Variants in RASAL2 observed in about 807,000 individuals in gnomAD.
RASAL2 encodes the protein ras GTPase-activating protein nGAP.
A neutral mutation model predicts 128.9 loss-of-function variants in RASAL2; 58 were observed. That is an observed-to-expected ratio of 0.45 (90% CI 0.36 to 0.56). RASAL2 has a LOEUF of 0.56. RASAL2 is among the 20% of genes least tolerant of loss of function. RASAL2 has a pLI of 0.00. For missense variants in RASAL2, 1,360 were observed against 1,601.6 expected (o/e 0.85, Z 2.57); for synonymous variants, 561 against 580.8 (o/e 0.97, Z 0.49).
chr1:178,172,233 A>G (rs1481004956), intron 1 of RASAL2, among the ~76,000 whole-genome samples: 3 of 152,002 alleles, frequency 2.0e-5, no homozygotes, highest in Admixed American at 6.6e-5. Context: ...TATATCTACA[A>G]ATTGGCCCAG....
intron 1 of RASAL2, among the ~76,000 whole-genome samples, chr1:178,259,452 C>T (rs1199792809): frequency 1.3e-5 from 2 of 152,204 alleles, no homozygotes; most frequent in African/African-American, 2.4e-5. Flanking sequence ...GTTGATTGCA[C>T]ATATCTGTGA....
At chr1:178,441,670 A>C (rs1314425623) in intron 7 of RASAL2, 23 bp downstream of exon 7, 1 of 1,553,520 alleles carries the variant, frequency 6.4e-7, no homozygotes, top group South Asian at 1.1e-5. Flanking sequence ...TCAAGTATCT[A>C]AAAAATGTAT....
chr1:178,202,534 G>A (rs1246018341), intron 1 of RASAL2, among the ~76,000 whole-genome samples: 2 of 152,226 alleles, frequency 1.3e-5, no homozygotes, highest in African/African-American at 4.8e-5. Context: ...GTGCACCTGG[G>A]TGTGCACTTT....
intron 8 of RASAL2, among the ~76,000 whole-genome samples, chr1:178,444,216 G>A (rs1676848430): frequency 1.3e-5 from 2 of 151,988 alleles, no homozygotes; most frequent in Non-Finnish European, 2.9e-5. Flanking sequence ...TTTTTTAAAT[G>A]ACTTAATACT....
chr1:178,122,662 A>G (rs999313330), intron 1 of RASAL2, among the ~76,000 whole-genome samples: 3 of 152,194 alleles, frequency 2.0e-5, no homozygotes, highest in African/African-American at 7.2e-5. Context: ...TTTATCAAGG[A>G]GCTTGGATTT....
chr1:178,462,731 G>A (rs1647245263), intron 14 of RASAL2, among the ~76,000 whole-genome samples: 1 of 151,990 alleles, frequency 6.6e-6, no homozygotes, highest in African/African-American at 2.4e-5. Context: ...GGATATATTA[G>A]GAAGTGGCTG....
intron 17 of RASAL2, among the ~76,000 whole-genome samples, chr1:178,469,308 T>C (rs1203002131): frequency 6.6e-6 from 1 of 152,018 alleles, no homozygotes; most frequent in Non-Finnish European, 1.5e-5. Context: ...AAAAAAAATG[T>C]AATAGTCTTA....
intron 3 of RASAL2, among the ~76,000 whole-genome samples, chr1:178,313,595 A>G (rs146340106): frequency 0.024 from 3,616 of 152,048 alleles, 65 homozygotes; most frequent in Middle Eastern, 0.058. Flanking sequence ...GGCTCAAGCA[A>G]TCCTCCCACC....
chr1:178,371,587 G>A (rs1408397881), intron 3 of RASAL2, among the ~76,000 whole-genome samples: 2 of 152,100 alleles, frequency 1.3e-5, no homozygotes, highest in Non-Finnish European at 2.9e-5. Flanking sequence ...GAAGAAAGGA[G>A]GGATGAGAGC....
intron 3 of RASAL2, among the ~76,000 whole-genome samples, chr1:178,305,046 C>G (rs1667928739): frequency 6.6e-6 from 1 of 152,044 alleles, no homozygotes. Context: ...AAAGTAATCC[C>G]ATTTACAAGA....
intron 8 of RASAL2, among the ~76,000 whole-genome samples, chr1:178,444,025 T>C (rs1237660647): frequency 6.6e-6 from 1 of 152,168 alleles, no homozygotes; most frequent in Non-Finnish European, 1.5e-5. Context: ...ATATTCAATA[T>C]TTAGTCTCTT....
rs546211048 is a variant in RASAL2, at chr1:178,378,001, A to T, written c.458-12099A>T. ...AAGAAAATGGAATTTTTTAAACCTGATTAACCTGATTTTAAAAAAAAGAAA... is the reference window on the plus strand; with the variant it reads ...AAGAAAATGGAATTTTTTAAACCTGTTTAACCTGATTTTAAAAAAAAGAAA... On this transcript the variant is annotated intron_variant, in intron 3 of 17. Coordinates refer to ENST00000367649, the MANE Select transcript of RASAL2 (RefSeq NM_170692.4). 4.6e-5 allele frequency among the ~76,000 whole-genome samples: 7 copies of T among 152,092 alleles called. 1 individual carries two copies. In the South Asian group the frequency reaches 1.5e-3, roughly 32 times the overall value.
chr1:178,391,821 G>A (rs1245488931), intron 4 of RASAL2, among the ~76,000 whole-genome samples: 1 of 152,138 alleles, frequency 6.6e-6, no homozygotes, highest in Non-Finnish European at 1.5e-5. Context: ...TTAACTTTGT[G>A]GAGAGACAGA....
At chr1:178,452,330 A>G in intron 10 of RASAL2, 86 bp from the exon 11 acceptor site, 1 of 1,179,282 alleles carries the variant, frequency 8.5e-7, no homozygotes, top group Non-Finnish European at 1.2e-6. Flanking sequence ...CTCTTAAGCA[A>G]AAGTATATTG....
chr1:178,336,498 T>G (rs752787196), intron 3 of RASAL2, among the ~76,000 whole-genome samples: 4 of 152,132 alleles, frequency 2.6e-5, no homozygotes, highest in African/African-American at 9.7e-5. Context: ...CTGAGTGTTA[T>G]CTGCATTATA....
chr1:178,125,493 C>T (rs1404895073), intron 1 of RASAL2: 2 of 152,218 alleles, frequency 1.3e-5, no homozygotes, highest in Non-Finnish European at 2.9e-5. Context: ...GTGCCGGCAT[C>T]TGCTTCTGGT....
intron 3 of RASAL2, among the ~76,000 whole-genome samples, chr1:178,320,149 G>T (rs1230028251): frequency 1.3e-5 from 2 of 151,942 alleles, no homozygotes; most frequent in Non-Finnish European, 2.9e-5. Flanking sequence ...CAGTCTGCCG[G>T]TTCTCAGATC....
intron 3 of RASAL2, among the ~76,000 whole-genome samples, chr1:178,386,994 C>T (rs1351461915): frequency 2.0e-5 from 3 of 152,198 alleles, no homozygotes; most frequent in Non-Finnish European, 2.9e-5. Context: ...ACTAATCCAG[C>T]AGGTTGCTCA....
intron 3 of RASAL2, among the ~76,000 whole-genome samples, chr1:178,358,237 T>TAAAAAA (rs71567191): frequency 2.9e-4 from 10 of 34,754 alleles, no homozygotes; most frequent in Non-Finnish European, 5.1e-4. Context: ...CTCTGTCTCC[T>TAAAAAA]AAAAAAAAAA....
Sources: gnomAD v4.1 joint callset for allele counts (sites outside exome capture counted in the v4.1 genomes callset) on GRCh38, gnomAD v4.1.1 for gene constraint, MANE v1.5 for transcripts, NCBI Gene and HGNC (gene_info 2026-07-23, HGNC 2026-07-21) for gene names.